Variants in DAAM1 observed in about 807,000 individuals in gnomAD.
The protein encoded by DAAM1 is dishevelled associated activator of morphogenesis 1, also known as disheveled-associated activator of morphogenesis 1.
In DAAM1, 52 loss-of-function variants were observed where a neutral mutation model predicts 130.0. That is an observed-to-expected ratio of 0.40 (90% CI 0.32 to 0.50). The LOEUF is 0.50. DAAM1 is among the 20% of genes least tolerant of loss of function. The pLI is 0.61. For missense variants in DAAM1, 1,134 were observed against 1,303.8 expected, an observed-to-expected ratio of 0.87 and a Z score of 2.01; for synonymous variants, 452 against 444.5, an observed-to-expected ratio of 1.02 and a Z score of -0.21.
intron 2 of DAAM1, among the ~76,000 whole-genome samples, chr14:59,286,155 A>G (rs997878319): frequency 1.3e-5 from 2 of 152,160 alleles, no homozygotes; most frequent in African/African-American, 4.8e-5. Flanking sequence ...AAGTTAAACA[A>G]CCTGCTCCTG....
chr14:59,261,059 A>T (rs532204054), intron 1 of DAAM1, among the ~76,000 whole-genome samples: 1 of 152,156 alleles, frequency 6.6e-6, no homozygotes, highest in African/African-American at 2.4e-5. Flanking sequence ...TTCAGCAGGG[A>T]TATGAGAGCC....
intron 1 of DAAM1, among the ~76,000 whole-genome samples, chr14:59,226,030 G>A (rs1451727796): frequency 1.3e-5 from 2 of 152,070 alleles, no homozygotes; most frequent in East Asian, 3.9e-4. Context: ...ACATATACTC[G>A]AAATGTGTTT....
intron 23 of DAAM1, among the ~76,000 whole-genome samples, chr14:59,364,414 G>A (rs1886832951): frequency 6.7e-6 from 1 of 150,346 alleles, no homozygotes; most frequent in African/African-American, 2.4e-5. Flanking sequence ...AATTTTTGTT[G>A]GTTAATAACC....
At chr14:59,317,806 G>C (rs550498490) in intron 4 of DAAM1, among the ~76,000 whole-genome samples, 2 of 152,298 alleles carry the variant, frequency 1.3e-5, no homozygotes. Context: ...TAAGCCCAAA[G>C]ACTCCTTTCC....
At chr14:59,249,433 T>C (rs1450476225) in intron 1 of DAAM1, among the ~76,000 whole-genome samples, 2 of 152,250 alleles carry the variant, frequency 1.3e-5, no homozygotes, top group Non-Finnish European at 2.9e-5. Flanking sequence ...AAACTGCTAA[T>C]CATTTTGCTG....
chr14:59,367,221 G>C (rs1886953208), intron 23 of DAAM1, among the ~76,000 whole-genome samples: 1 of 152,090 alleles, frequency 6.6e-6, no homozygotes, highest in Admixed American at 6.5e-5. Flanking sequence ...CCGAGAGACA[G>C]AGGTTGCAGT....
At chr14:59,286,282 G>A (rs1883447933) in intron 2 of DAAM1, among the ~76,000 whole-genome samples, 1 of 152,040 alleles carries the variant, frequency 6.6e-6, no homozygotes, top group South Asian at 2.1e-4. Flanking sequence ...CATAGCTAAA[G>A]CAGGGTTAAG....
intron 2 of DAAM1, among the ~76,000 whole-genome samples, chr14:59,268,979 T>G (rs1882589217): frequency 6.6e-6 from 1 of 152,222 alleles, no homozygotes; most frequent in African/African-American, 2.4e-5. Flanking sequence ...TCAAGTAACT[T>G]TTTTATGTTA....
At chr14:59,231,087 C>T (rs1406695552) in intron 1 of DAAM1, among the ~76,000 whole-genome samples, 1 of 152,140 alleles carries the variant, frequency 6.6e-6, no homozygotes, top group Non-Finnish European at 1.5e-5. Flanking sequence ...AAGGAAAGTA[C>T]ATATTACTTT....
At chr14:59,224,173 C>A (rs908464218) in intron 1 of DAAM1, among the ~76,000 whole-genome samples, 1 of 152,238 alleles carries the variant, frequency 6.6e-6, no homozygotes, top group Non-Finnish European at 1.5e-5. Flanking sequence ...TCAACAGCAG[C>A]ATACCAGGTA....
At chr14:59,201,812 T>A (rs1199819603) in intron 1 of DAAM1, among the ~76,000 whole-genome samples, 10 of 149,318 alleles carry the variant, frequency 6.7e-5, no homozygotes, top group Admixed American at 6.7e-5. Context: ...AAAAAAAAAA[T>A]TCATGTCCAT....
intron 2 of DAAM1, among the ~76,000 whole-genome samples, chr14:59,277,497 A>G (rs556631297): frequency 1.4e-3 from 206 of 150,942 alleles, no homozygotes; most frequent in African/African-American, 4.8e-3. Context: ...TCTTTTCTCC[A>G]AAATATTATA....
chr14:59,198,023 G>T (rs1887960587), intron 1 of DAAM1, among the ~76,000 whole-genome samples: 1 of 152,162 alleles, frequency 6.6e-6, no homozygotes, highest in Non-Finnish European at 1.5e-5. Context: ...GGAGGACAGA[G>T]AGAGTTGCTG....
intron 1 of DAAM1, among the ~76,000 whole-genome samples, chr14:59,214,053 T>C (rs1227572354): frequency 6.6e-6 from 1 of 152,248 alleles, no homozygotes; most frequent in Non-Finnish European, 1.5e-5. Context: ...CCTGCCTTTT[T>C]TCATCTGAGG....
chr14:59,350,634 A>G (rs1487973912), intron 17 of DAAM1, among the ~76,000 whole-genome samples: 1 of 151,778 alleles, frequency 6.6e-6, no homozygotes, highest in Non-Finnish European at 1.5e-5. Flanking sequence ...TCTCAGGGGC[A>G]CTTGCAACTT....
rs1381913165 is a variant in DAAM1, at chr14:59,369,753, T to TTAAAA, written c.*894_*895insTAAAA. The TTAAAA allele has an allele frequency of 1.0e-5, 1 of 95,656 alleles. No homozygotes were observed. Among genetic ancestry groups the TTAAAA allele is most frequent in the African/African-American group, 4.2e-5 (1 of 23,868 alleles). 5.9% of individuals were successfully genotyped at this position (95,656 alleles called of 1,614,324 possible). On this transcript the variant is annotated 3_prime_UTR_variant, in exon 25 of 25. Transcript: ENST00000360909. ...AATTCTCTGAAGGGATAAAGATTAC[T>TTAAAA]AAAAAAAAAAAAAAAAAAAAAAAAT...
intron 17 of DAAM1, 32 bp downstream of exon 17, chr14:59,347,655 T>G: frequency 6.2e-7 from 1 of 1,602,346 alleles, no homozygotes; most frequent in Non-Finnish European, 8.5e-7. Context: ...AGAGCAGAAG[T>G]GAAAAGCGAC....
chr14:59,321,833 C>T (rs1355380381), intron 5 of DAAM1, among the ~76,000 whole-genome samples: 2 of 152,196 alleles, frequency 1.3e-5, no homozygotes, highest in African/African-American at 4.8e-5. Flanking sequence ...ATGTTCTGCA[C>T]TCTCAGATGT....
intron 3 of DAAM1, among the ~76,000 whole-genome samples, chr14:59,303,090 A>G (rs1377592875): frequency 2.0e-5 from 3 of 152,230 alleles, no homozygotes; most frequent in African/African-American, 7.2e-5. Flanking sequence ...GTTTATCAAC[A>G]GTGCTATGGT....
Sources: gnomAD v4.1 joint callset for allele counts (sites outside exome capture counted in the v4.1 genomes callset) on GRCh38, gnomAD v4.1.1 for gene constraint, MANE v1.5 for transcripts, NCBI Gene and HGNC (gene_info 2026-07-23, HGNC 2026-07-21) for gene names.